CSTF1: variants seen among roughly 807,000 people sequenced by gnomAD.
The protein encoded by CSTF1 is CF-1 50 kDa subunit.
A neutral mutation model predicts 40.9 loss-of-function variants in CSTF1; 2 were observed. The ratio of observed to expected loss-of-function variants is 0.05; its 90% CI spans 0.02 to 0.15. CSTF1 has a LOEUF of 0.15. Among genes scored for constraint, CSTF1 ranks in the 10% least tolerant of loss-of-function variants. CSTF1 has a pLI of 1.00. For missense variants in CSTF1, 279 were observed against 558.9 expected, an observed-to-expected ratio of 0.50 and a Z score of 5.05; for synonymous variants, 218 against 207.2, an observed-to-expected ratio of 1.05 and a Z score of -0.45.
At chr20:56,398,907 T>G in intron 4 of CSTF1, 60 bp from the exon 5 acceptor site, 1 of 1,420,880 alleles carries the variant, frequency 7.0e-7, no homozygotes, top group Non-Finnish European at 9.5e-7. Flanking sequence ...TTTTCCACAT[T>G]TCCTCTGGAT....
At position 56,399,029 on chromosome 20, in the gene CSTF1, T is replaced by C; in HGVS notation, c.708T>C (p.Thr236=). 4 of 1,614,168 alleles carry C rather than the reference T, an allele frequency of 2.5e-6. No homozygotes were observed. The highest frequency in any genetic ancestry group is 3.4e-6 in the Non-Finnish European group (4 of 1,179,992). Residue 236 remains threonine (T), a synonymous_variant, in exon 5 of 6, where the codon ACT becomes ACC. Coordinates refer to ENST00000217109, the MANE Select transcript of CSTF1 (RefSeq NM_001324.3). This position sits in a 1 kb window ranked among gnomAD's most constrained non-coding sequence, Gnocchi z 4.6. ...CTGGAGACTTTATACTTGTCGGAAC[T>C]CAGCATCCTACTCTTCGCCTTTATG... ...HPSGDFILVG[T]QHPTLRLYDI...
rs772417622 is a variant in CSTF1 at position 56,397,761 on chromosome 20, G to T, written c.565G>T (p.Ala189Ser). ...LAFHPTEQIL[A>S]SGSRDYTLKL... ...TTTCCACCCAACAGAACAGATCCTG[G>T]CTTCTGGTTCAAGGGATTATACTCT... The change falls in exon 4 of 6, where the codon GCT becomes TCT. Residue 189 changes from alanine to serine, a missense_variant. Transcript: ENST00000217109. This position sits in a 1 kb window ranked among gnomAD's most constrained non-coding sequence, Gnocchi z 4.4. 8.1e-6 allele frequency: 13 copies of T among 1,614,044 alleles called. No homozygotes were observed. Among genetic ancestry groups the T allele is most frequent in the Non-Finnish European group, 1.7e-6 (2 of 1,180,004 alleles).
intron 1 of CSTF1, 75 bp from the exon 2 acceptor site, chr20:56,395,446 G>T: frequency 1.1e-6 from 1 of 924,016 alleles, no homozygotes; most frequent in Non-Finnish European, 1.6e-6. Context: ...GATTAAGTCT[G>T]ACCAAAGAGT....
chr20:56,397,390 G>C lies in CSTF1; in HGVS notation c.353G>C (p.Arg118Thr). Residue 118 changes from arginine (R) to threonine (T), a missense_variant, in exon 3 of 6, where the codon AGA becomes ACA. By Grantham distance (71) the Arg-to-Thr change is moderately conservative. Coordinates refer to ENST00000217109, the MANE Select transcript of CSTF1 (RefSeq NM_001324.3). This position sits in a 1 kb window ranked among gnomAD's most constrained non-coding sequence, Gnocchi z 4.4. ...KGPCRVATYS[R>T]DGQLIATGSA... ...CCATGCCGTGTAGCTACCTATAGTAGAGATGGACAGTTAATAGCTACTGGG... is the reference window on the plus strand; with the variant it reads ...CCATGCCGTGTAGCTACCTATAGTACAGATGGACAGTTAATAGCTACTGGG... 6.2e-7 allele frequency: 1 copy of C among 1,614,198 alleles called. No homozygotes were observed. The highest frequency in any genetic ancestry group is 8.5e-7 in the Non-Finnish European group (1 of 1,180,040).
intron 4 of CSTF1, among the ~76,000 whole-genome samples, chr20:56,398,605 T>C (rs1277852611): frequency 6.6e-6 from 1 of 152,156 alleles, no homozygotes; most frequent in East Asian, 1.9e-4. Flanking sequence ...TTTCACTCAA[T>C]ATTTGCAGCC....
intron 1 of CSTF1, among the ~76,000 whole-genome samples, chr20:56,393,567 A>G (rs1987393670): frequency 4.7e-5 from 7 of 147,824 alleles, no homozygotes. Flanking sequence ...GTCCCACAAA[A>G]TACGAGACTA....
Position 56,396,784 on chromosome 20 carries a change from T to C in CSTF1, c.170-423T>C, listed in dbSNP as rs1467870041. On this transcript the variant is annotated intron_variant, in intron 2 of 5. Transcript: ENST00000217109. ...TAAATAACTTTATTTCAAAAACATTTCACTAGCATTCATGTTAACAATGTA... is the reference window on the plus strand; with the variant it reads ...TAAATAACTTTATTTCAAAAACATTCCACTAGCATTCATGTTAACAATGTA... 3 of 154,958 alleles carry C rather than the reference T, an allele frequency of 1.9e-5. No individual in the cohort carries two copies. In the Admixed American group the frequency reaches 2.0e-4, roughly 10 times the overall value. The allele number at this position is 154,958 out of a possible 1,614,324, so 9.6% of individuals were successfully genotyped here. A position where few individuals can be genotyped will look rare whatever the true frequency, so the allele number is the denominator to read the frequency against.
chr20:56,397,097 A>G lies in CSTF1; in HGVS notation c.170-110A>G. ...TAGGTGTCACGCGGCTCCAAGAAAT[A>G]GGAGGTTGACACTGGTGAGCATCTT... On this transcript the variant is annotated intron_variant, in intron 2 of 5. Transcript: ENST00000217109. This position sits in a 1 kb window ranked among gnomAD's most constrained non-coding sequence, Gnocchi z 4.4. 1 of 1,174,074 alleles carries G rather than the reference A, an allele frequency of 8.5e-7. No homozygotes were observed. The allele number at this position is 1,174,074 out of a possible 1,614,324, so 72.7% of individuals were successfully genotyped here.
rs533326032 is a variant in CSTF1, at chr20:56,405,571, G to A, written c.*1844G>A. 6 of 152,176 alleles carry A rather than the reference G, an allele frequency of 3.9e-5. No individual in the cohort carries two copies. Among genetic ancestry groups the A allele is most frequent in the African/African-American group, 1.4e-4 (6 of 41,440 alleles). 9.4% of individuals were successfully genotyped at this position (152,176 alleles called of 1,614,324 possible). On this transcript the variant is annotated 3_prime_UTR_variant, in exon 6 of 6. Transcript: ENST00000217109. The stretch of plus-strand genomic sequence containing the variant: ...TCTGTTTTAGTCATCCTTGAGGATC[G>A]TTTTAACTCCTTGATCTGTAAAACT...
Position 56,397,006 on chromosome 20 carries a change from C to A in CSTF1, c.170-201C>A. On this transcript the variant is annotated intron_variant, in intron 2 of 5. Coordinates refer to ENST00000217109, the MANE Select transcript of CSTF1 (RefSeq NM_001324.3). This position sits in a 1 kb window ranked among gnomAD's most constrained non-coding sequence, Gnocchi z 4.4. ...TATTGGAGCCTAACCTTCCAGCAAC[C>A]CATGTGGCCTCACAGCGTGGTGAAC... 1.8e-6 allele frequency: 1 copy of A among 562,092 alleles called. No homozygotes were observed. The allele number at this position is 562,092 out of a possible 1,614,324, so 34.8% of individuals were successfully genotyped here. A position where few individuals can be genotyped will look rare whatever the true frequency, so the allele number is the denominator to read the frequency against.
chr20:56,392,912 C>G (rs1224967979), intron 1 of CSTF1, 199 bp downstream of exon 1: 1 of 152,180 alleles, frequency 6.6e-6, no homozygotes, highest in Non-Finnish European at 1.5e-5. Context: ...CCACCCAGTC[C>G]TTAGTTCGCC....
chr20:56,402,902 TC>T (rs1197374495), intron 5 of CSTF1, among the ~76,000 whole-genome samples: 9 of 147,832 alleles, frequency 6.1e-5, no homozygotes, highest in African/African-American at 2.0e-4. Context: ...GCCACTGCAC[TC>T]CAGCCTGGCG....
rs980073375 is a variant in CSTF1 at position 56,406,312 on chromosome 20, T to G, written c.*2585T>G. On this transcript the variant is annotated 3_prime_UTR_variant, in exon 6 of 6. Transcript: ENST00000217109. ...GATACGAACTTATACCCTCTGTGTG[T>G]TTTTTTTTTTTAAGATACGTGATTT... The G allele has an allele frequency of 1.4e-5, 2 of 145,060 alleles. No individual in the cohort carries two copies. The highest frequency in any genetic ancestry group is 2.0e-4 in the East Asian group (1 of 5,068). 9.0% of individuals were successfully genotyped at this position (145,060 alleles called of 1,614,324 possible).
Position 56,397,115 on chromosome 20 carries a change from A to C in CSTF1, c.170-92A>C. The C allele has an allele frequency of 7.4e-7, 1 of 1,357,846 alleles. No homozygotes were observed. Among genetic ancestry groups the C allele is most frequent in the Non-Finnish European group, 1.0e-6 (1 of 984,774 alleles). 84.1% of individuals were successfully genotyped at this position (1,357,846 alleles called of 1,614,324 possible). A position where few individuals can be genotyped will look rare whatever the true frequency, so the allele number is the denominator to read the frequency against. ...AAGAAATAGGAGGTTGACACTGGTG[A>C]GCATCTTTCCAGTTTGGATCTAGAA... On this transcript the variant is annotated intron_variant, in intron 2 of 5. Transcript: ENST00000217109. The surrounding 1 kb of genome is among the most constrained non-coding windows in gnomAD (Gnocchi z 4.4).
At chr20:56,402,672 C>T (rs1370253158) in intron 5 of CSTF1, among the ~76,000 whole-genome samples, 1 of 152,154 alleles carries the variant, frequency 6.6e-6, no homozygotes, top group Non-Finnish European at 1.5e-5. Context: ...CATGGTGGCT[C>T]ACACCTGTAA....
intron 5 of CSTF1, among the ~76,000 whole-genome samples, chr20:56,402,227 A>C (rs1356246946): frequency 6.6e-6 from 1 of 151,948 alleles, no homozygotes; most frequent in African/African-American, 2.4e-5. Flanking sequence ...GAATCTCTTG[A>C]ACCCAGGAGG....
Position 56,403,981 on chromosome 20 carries a change from A to T in CSTF1, c.*254A>T. On this transcript the variant is annotated 3_prime_UTR_variant, in exon 6 of 6. Coordinates refer to ENST00000217109, the MANE Select transcript of CSTF1 (RefSeq NM_001324.3). ...TGTGATTTTCATCGGTTTTGTAAGT[A>T]CAGGACTTGCCGTTTCTTTTGATCT... 2 of 416,068 alleles carry T rather than the reference A, an allele frequency of 4.8e-6. No homozygotes were observed. The highest frequency in any genetic ancestry group is 8.6e-6 in the Non-Finnish European group (2 of 231,448). The allele number at this position is 416,068 out of a possible 1,614,324, so 25.8% of individuals were successfully genotyped here. A position where few individuals can be genotyped will look rare whatever the true frequency, so the allele number is the denominator to read the frequency against.
chr20:56,402,212 C>T (rs1363461274), intron 5 of CSTF1, among the ~76,000 whole-genome samples: 1 of 151,506 alleles, frequency 6.6e-6, no homozygotes, highest in Non-Finnish European at 1.5e-5. Flanking sequence ...GAGGCTGAGG[C>T]AGGAGAATCT....
At position 56,405,614 on chromosome 20, in the gene CSTF1, A is replaced by G. The variant is rs1201709523; in HGVS notation, c.*1887A>G. The G allele has an allele frequency of 6.6e-6, 1 of 152,216 alleles. No individual in the cohort carries two copies. The highest frequency in any genetic ancestry group is 2.4e-5 in the African/African-American group (1 of 41,434). 9.4% of individuals were successfully genotyped at this position (152,216 alleles called of 1,614,324 possible). A position where few individuals can be genotyped will look rare whatever the true frequency, so the allele number is the denominator to read the frequency against. ...GTAAAACTGTCTTAAGCATCTTAAC[A>G]TGTTACATCACAGGGTTTTAGCTCA... On this transcript the variant is annotated 3_prime_UTR_variant, in exon 6 of 6. Transcript: ENST00000217109.
Sources: gnomAD v4.1 joint callset for allele counts (sites outside exome capture counted in the v4.1 genomes callset) on GRCh38, gnomAD v4.1.1 for gene constraint, Gnocchi (gnomAD v3.1) non-coding constraint, MANE v1.5 for transcripts, NCBI Gene and HGNC (gene_info 2026-07-23, HGNC 2026-07-21) for gene names.